Variants in LRMDA observed in about 807,000 individuals in gnomAD.
LRMDA encodes leucine rich melanocyte differentiation associated, also known as leucine-rich melanocyte differentiation-associated protein.
Under a neutral mutation model 29.8 loss-of-function variants are expected in LRMDA, and 18 were observed. The observed-to-expected ratio is 0.60, with a 90% CI of 0.42 to 0.90. The LOEUF (loss-of-function observed/expected upper bound fraction) is 0.90, where lower values mean the gene tolerates loss of function less well. Ranked by LOEUF, LRMDA falls within the 40% of genes least tolerant of loss-of-function variation. The pLI is 0.00. For missense variants in LRMDA, 273 were observed against 273.9 expected, an observed-to-expected ratio of 1.00 and a Z score of 0.02; for synonymous variants, 125 against 109.4, an observed-to-expected ratio of 1.14 and a Z score of -0.89.
At chr10:75,681,051 C>T (rs762049322) in intron 2 of LRMDA, among the ~76,000 whole-genome samples, 67 of 152,146 alleles carry the variant, frequency 4.4e-4, no homozygotes, top group Non-Finnish European at 8.5e-4. Context: ...TTATCATAGG[C>T]GGTGCTGCAT....
intron 6 of LRMDA, among the ~76,000 whole-genome samples, chr10:76,424,865 G>T (rs1036722866): frequency 6.6e-6 from 1 of 152,168 alleles, no homozygotes; most frequent in Non-Finnish European, 1.5e-5. Context: ...CAGAGAGATT[G>T]TGCCTTGACT....
intron 6 of LRMDA, among the ~76,000 whole-genome samples, chr10:76,340,179 A>G (rs10824405): frequency 0.12 from 17,529 of 152,150 alleles, 1,677 homozygotes; most frequent in African/African-American, 0.26. Context: ...GCATATTAAA[A>G]AAGAAAATGG....
At chr10:76,268,483 C>T (rs1013000401) in intron 5 of LRMDA, among the ~76,000 whole-genome samples, 2 of 152,156 alleles carry the variant, frequency 1.3e-5, no homozygotes, top group African/African-American at 2.4e-5. Flanking sequence ...ACTTCTCTCA[C>T]CCCTCTTATA....
intron 6 of LRMDA, among the ~76,000 whole-genome samples, chr10:76,356,900 A>G (rs1293876036): frequency 1.3e-5 from 2 of 152,124 alleles, no homozygotes; most frequent in African/African-American, 4.8e-5. Flanking sequence ...GGTGGGAGGG[A>G]TATAAACAAT....
chr10:75,913,554 G>A (rs764407615), intron 2 of LRMDA, among the ~76,000 whole-genome samples: 10 of 152,124 alleles, frequency 6.6e-5, no homozygotes, highest in Admixed American at 1.3e-4. Flanking sequence ...TAGGTCATGC[G>A]CCCCGTGTGC....
chr10:75,894,003 C>G (rs1845540866), intron 2 of LRMDA, among the ~76,000 whole-genome samples: 2 of 150,540 alleles, frequency 1.3e-5, no homozygotes, highest in East Asian at 3.9e-4. Flanking sequence ...CTTTTTAGAA[C>G]CTGATAATAC....
chr10:75,511,185 A>G (rs966659605), intron 2 of LRMDA, among the ~76,000 whole-genome samples: 63 of 152,012 alleles, frequency 4.1e-4, no homozygotes, highest in Admixed American at 3.9e-3. Context: ...CAAAACAAAA[A>G]TTAGCCATGT....
chr10:76,247,879 C>A (rs1003293487), intron 5 of LRMDA, among the ~76,000 whole-genome samples: 2 of 152,238 alleles, frequency 1.3e-5, no homozygotes, highest in African/African-American at 2.4e-5. Context: ...TTGGAGCAGA[C>A]AAAAGTCATC....
intron 2 of LRMDA, among the ~76,000 whole-genome samples, chr10:75,959,628 C>T (rs1007063406): frequency 6.6e-6 from 1 of 152,096 alleles, no homozygotes; most frequent in African/African-American, 2.4e-5. Flanking sequence ...GTTTAGAAGG[C>T]CTCTACGATA....
rs201261326 is a variant in LRMDA, at chr10:76,557,226, C to G, written c.619C>G (p.Arg207Gly). ...TSHQGVLGKC[R>G]YVYYGKNSEG... ...ATTTGCAGGTGTCCTGGGGAAGTGT[C>G]GCTACGTTTACTATGGGAAAAACTC... The change falls in exon 7 of 7, where the codon CGC (arginine) becomes GGC (glycine). Residue 207 changes from arginine to glycine, a missense_variant. Arg to Gly is a moderately radical substitution (Grantham distance 125). Coordinates refer to ENST00000611255, the MANE Select transcript of LRMDA (RefSeq NM_001305581.2). 5.0e-6 allele frequency: 8 copies of G among 1,613,984 alleles called. No homozygotes were observed. In the South Asian group the frequency reaches 5.5e-5, roughly 11 times the overall value.
rs148022555 is a variant in LRMDA, at chr10:76,245,465, A to G, written c.517-78936A>G. 1.0e-3 allele frequency among the ~76,000 whole-genome samples: 157 copies of G among 152,208 alleles called. 3 individuals carry two copies. The East Asian group carries it at 0.015, about 15-fold the overall frequency. On this transcript the variant is annotated intron_variant, in intron 5 of 6. Transcript: ENST00000611255. Reference sequence around the variant, plus strand: ...GGTCAGCTTCCATGTACATTTCCCTATGTCTCCGAGCACATTCTGATCAAT... The same window carrying G: ...GGTCAGCTTCCATGTACATTTCCCTGTGTCTCCGAGCACATTCTGATCAAT...
At chr10:75,694,631 T>C (rs1166063450) in intron 2 of LRMDA, among the ~76,000 whole-genome samples, 1 of 152,190 alleles carries the variant, frequency 6.6e-6, no homozygotes, top group Non-Finnish European at 1.5e-5. Context: ...AGGTAGATTT[T>C]GCACACAGGG....
intron 2 of LRMDA, among the ~76,000 whole-genome samples, chr10:75,898,814 C>T (rs1038956154): frequency 2.6e-5 from 4 of 152,242 alleles, no homozygotes; most frequent in African/African-American, 4.8e-5. Flanking sequence ...CTTCTGGGCT[C>T]GGCTATTCAT....
intron 5 of LRMDA, among the ~76,000 whole-genome samples, chr10:76,242,667 T>C (rs1852298364): frequency 6.6e-6 from 1 of 152,228 alleles, no homozygotes; most frequent in Non-Finnish European, 1.5e-5. Context: ...TACTCCAGCA[T>C]GACCTCATCT....
At chr10:76,374,994 C>G (rs1172898517) in intron 6 of LRMDA, among the ~76,000 whole-genome samples, 1 of 152,172 alleles carries the variant, frequency 6.6e-6, no homozygotes, top group Non-Finnish European at 1.5e-5. Context: ...TTTAGCTCAT[C>G]TATCTGCATG....
At chr10:76,462,288 G>T (rs1404206045) in intron 6 of LRMDA, among the ~76,000 whole-genome samples, 1 of 151,864 alleles carries the variant, frequency 6.6e-6, no homozygotes. Context: ...GAACTAGACT[G>T]GGAATTAAGA....
At chr10:75,684,845 C>T (rs887042388) in intron 2 of LRMDA, among the ~76,000 whole-genome samples, 2 of 152,184 alleles carry the variant, frequency 1.3e-5, no homozygotes, top group African/African-American at 4.8e-5. Context: ...GGCCTCCCAG[C>T]TCAGTGAGGC....
chr10:75,752,922 A>T, intron 2 of LRMDA, among the ~76,000 whole-genome samples: 1 of 152,106 alleles, frequency 6.6e-6, no homozygotes, highest in East Asian at 1.9e-4. Context: ...GCTACCATTG[A>T]TCTGTGTCCA....
At chr10:75,959,667 C>T (rs1315370364) in intron 2 of LRMDA, among the ~76,000 whole-genome samples, 1 of 152,114 alleles carries the variant, frequency 6.6e-6, no homozygotes, top group Admixed American at 6.5e-5. Flanking sequence ...TTTATATACA[C>T]ATATGTGTAT....
Sources: allele counts gnomAD v4.1 joint callset (sites outside exome capture counted in the v4.1 genomes callset), GRCh38; gene constraint gnomAD v4.1.1; transcripts MANE v1.5; gene names NCBI Gene and HGNC (gene_info 2026-07-23, HGNC 2026-07-21).